Variants in IL1R2 observed in about 807,000 individuals in gnomAD.
IL1R2 encodes the protein interleukin-1 receptor type 2.
In IL1R2, 46 loss-of-function variants were observed where a neutral mutation model predicts 39.5. That is an observed-to-expected ratio of 1.16 (90% CI 0.92 to 1.49). The LOEUF is 1.49. Ranked by LOEUF, IL1R2 falls within the 40% of genes most tolerant of loss-of-function variation. IL1R2 has a pLI of 0.00. For synonymous variants in IL1R2, 207 were observed against 189.6 expected, an observed-to-expected ratio of 1.09 and a Z score of -0.75; for missense variants, 537 against 502.0, an observed-to-expected ratio of 1.07 and a Z score of -0.67.
At chr2:102,004,781 G>C (rs1048156202) in intron 1 of IL1R2, among the ~76,000 whole-genome samples, 2 of 152,216 alleles carry the variant, frequency 1.3e-5, no homozygotes, top group African/African-American at 4.8e-5. Flanking sequence ...ATTGAAAACT[G>C]TCACTACTAT....
intron 1 of IL1R2, among the ~76,000 whole-genome samples, 189 bp downstream of exon 1, chr2:101,992,200 G>GAGAGACAGAAAGAGGCAGAGAAAC (rs1675362381): frequency 1.3e-5 from 2 of 151,358 alleles, no homozygotes; most frequent in South Asian, 4.2e-4. Context: ...GAGACAGGCA[G>GAGAGACAGAAAGAGGCAGAGAAAC]AGAGACAGAA....
chr2:102,016,211 G>T (rs1347342823), intron 4 of IL1R2, 160 bp downstream of exon 4: 7 of 534,986 alleles, frequency 1.3e-5, no homozygotes, highest in Non-Finnish European at 2.0e-5. Flanking sequence ...TCCACATCCT[G>T]GGATTCAACC....
intron 5 of IL1R2, 82 bp downstream of exon 5, chr2:102,019,894 T>C (rs1366052960): frequency 9.3e-6 from 11 of 1,184,980 alleles, no homozygotes; most frequent in African/African-American, 1.5e-5. Flanking sequence ...CACGTAGAAT[T>C]CCTTGCAGGT....
chr2:102,025,162 G>C (rs1677655097), intron 7 of IL1R2, among the ~76,000 whole-genome samples: 1 of 152,324 alleles, frequency 6.6e-6, no homozygotes, highest in South Asian at 2.1e-4. Context: ...GTCATCTCTA[G>C]AAAATGTTTT....
intron 1 of IL1R2, among the ~76,000 whole-genome samples, chr2:102,008,249 G>A (rs936603239): frequency 6.6e-6 from 1 of 152,266 alleles, no homozygotes; most frequent in Non-Finnish European, 1.5e-5. Context: ...GGCTAAGGGA[G>A]GTCTCTGCAG....
intron 3 of IL1R2, among the ~76,000 whole-genome samples, chr2:102,011,802 T>G (rs951491149): frequency 6.6e-6 from 1 of 152,264 alleles, no homozygotes; most frequent in Non-Finnish European, 1.5e-5. Context: ...CCTGTGCTTT[T>G]AGTGTTAAGA....
In IL1R2 at chr2:102,028,246, G is replaced by A; in HGVS notation, c.1051G>A (p.Gly351Ser). ...VKEASSTFSW[G>S]IVLAPLSLAF... ...CACAGCCTCCTCCACGTTCTCCTGG[G>A]GCATTGTGCTGGCCCCACTTTCACT... is the stretch of plus-strand genomic sequence containing the variant. Residue 351 changes from glycine (G) to serine (S), a missense_variant, in exon 9 of 9, where the codon GGC (glycine) becomes AGC (serine). Gly to Ser is a moderately conservative substitution (Grantham distance 56). Transcript: ENST00000332549. 1.9e-6 allele frequency: 3 copies of A among 1,610,352 alleles called. No homozygotes were observed. The highest frequency in any genetic ancestry group is 2.5e-6 in the Non-Finnish European group (3 of 1,178,262).
intron 2 of IL1R2, 78 bp downstream of exon 2, chr2:102,008,720 C>G: frequency 7.7e-7 from 1 of 1,303,626 alleles, no homozygotes; most frequent in South Asian, 1.2e-5. Flanking sequence ...GAGAAGTTTC[C>G]TTGTCAGAAA....
At chr2:102,007,149 C>A (rs928732326) in intron 1 of IL1R2, among the ~76,000 whole-genome samples, 1 of 152,122 alleles carries the variant, frequency 6.6e-6, no homozygotes, top group Non-Finnish European at 1.5e-5. Context: ...ATCGTTGTGG[C>A]CGTGGTTAGC....
chr2:102,005,557 A>G (rs1676209514), intron 1 of IL1R2, among the ~76,000 whole-genome samples: 1 of 152,198 alleles, frequency 6.6e-6, no homozygotes, highest in Non-Finnish European at 1.5e-5. Flanking sequence ...GCCCTATTGC[A>G]TTCAGTGAGT....
At chr2:102,015,726 A>G in intron 3 of IL1R2, 145 bp from the exon 4 acceptor site, 2 of 652,678 alleles carry the variant, frequency 3.1e-6, no homozygotes, top group Non-Finnish European at 5.2e-6. Flanking sequence ...CCTAAGTTGA[A>G]CCATCTTATG....
chr2:102,025,965 G>T, intron 7 of IL1R2, 146 bp from the exon 8 acceptor site: 1 of 618,172 alleles, frequency 1.6e-6, no homozygotes. Flanking sequence ...CACAAGTATG[G>T]TGGCAAGAGC....
chr2:102,002,300 G>C (rs1675902777), intron 1 of IL1R2, among the ~76,000 whole-genome samples: 1 of 147,606 alleles, frequency 6.8e-6, no homozygotes, highest in Non-Finnish European at 1.5e-5. Context: ...GTGTGTCTGT[G>C]TCTGTGTCTG....
At chr2:102,018,515 T>C (rs1677149809) in intron 4 of IL1R2, among the ~76,000 whole-genome samples, 1 of 152,238 alleles carries the variant, frequency 6.6e-6, no homozygotes, top group South Asian at 2.1e-4. Flanking sequence ...ATATAAATGG[T>C]GCTCAATAAA....
intron 8 of IL1R2, among the ~76,000 whole-genome samples, chr2:102,026,580 C>T (rs1158244151): frequency 6.6e-6 from 1 of 152,176 alleles, no homozygotes; most frequent in Non-Finnish European, 1.5e-5. Flanking sequence ...CGCATGGCCT[C>T]TAGAAGAGGG....
At chr2:102,015,667 GTTTC>G (rs1436366867) in intron 3 of IL1R2, among the ~76,000 whole-genome samples, 200 bp from the exon 4 acceptor site, 2 of 152,164 alleles carry the variant, frequency 1.3e-5, no homozygotes, top group Non-Finnish European at 2.9e-5. Context: ...CTGAAGTAGG[GTTTC>G]TATTGAATGC....
chr2:102,015,784 A>T (rs1197237641), intron 3 of IL1R2, 87 bp from the exon 4 acceptor site: 1 of 1,063,184 alleles, frequency 9.4e-7, no homozygotes, highest in Admixed American at 2.0e-5. Flanking sequence ...GCAGATTTTA[A>T]TAGAGTTGGG....
intron 4 of IL1R2, 109 bp downstream of exon 4, chr2:102,016,160 C>T (rs562432372): frequency 5.7e-5 from 46 of 802,450 alleles, no homozygotes; most frequent in South Asian, 1.6e-4. Flanking sequence ...CACACACACA[C>T]GCACAAACAC....
At chr2:102,017,777 C>T (rs3218926) in intron 4 of IL1R2, among the ~76,000 whole-genome samples, 24,332 of 152,014 alleles carry the variant, frequency 0.16, 2,290 homozygotes, top group East Asian at 0.28. Flanking sequence ...TGTCTGTAGC[C>T]GCTTTCACAT....
Sources: allele counts gnomAD v4.1 joint callset (sites outside exome capture counted in the v4.1 genomes callset), GRCh38; gene constraint gnomAD v4.1.1; transcripts MANE v1.5; gene names NCBI Gene and HGNC (gene_info 2026-07-23, HGNC 2026-07-21).